The following VGLL4 variants were observed in gnomAD, a reference collection of about 807,000 sequenced individuals.
VGLL4 encodes the protein vestigial like family member 4.
Under a neutral mutation model 21.0 loss-of-function variants are expected in VGLL4, and 7 were observed. The ratio of observed to expected loss-of-function variants is 0.33; its 90% CI spans 0.19 to 0.63. The LOEUF (loss-of-function observed/expected upper bound fraction) is 0.63. Ranked by LOEUF, VGLL4 falls within the 20% of genes least tolerant of loss-of-function variation. VGLL4 has a pLI of 0.78. For synonymous variants in VGLL4, 222 were observed against 173.2 expected (o/e 1.28, Z -2.21); for missense variants, 394 against 425.7 (o/e 0.93, Z 0.66).
At position 11,713,221 on chromosome 3, in the gene VGLL4, G is replaced by T. The variant is rs138877978; in HGVS notation, c.-14+7173C>A. 6.3e-3 allele frequency among the ~76,000 whole-genome samples: 966 copies of T among 152,286 alleles called. 13 individuals are homozygous for T. Among genetic ancestry groups the T allele is most frequent in the African/African-American group, 0.022 (933 of 41,552 alleles). ...AAAATTTCACCTTGGTGCTCGAACT[G>T]CTCACAACCTTAAATTGTATGTTAC... On this transcript the variant is annotated intron_variant, in intron 1 of 5. Transcript: ENST00000273038.
In VGLL4 at chr3:11,715,155, T is replaced by C. The variant is rs1412967111; in HGVS notation, c.-14+5239A>G. On this transcript the variant is annotated intron_variant, in intron 1 of 5. Transcript: ENST00000273038. ...GTCTCAAAAAAAAAAAAAAAAAAGA[T>C]GAATTTGCATCACAGCCCAAGTTAG... Among the ~76,000 whole-genome samples the C allele has an allele frequency of 2.0e-5, 3 of 147,022 alleles. No individual in the cohort carries two copies. The East Asian group carries it at 6.0e-4, about 29-fold the overall frequency.
chr3:11,572,102 T>C (rs1275822133), intron 2 of VGLL4, among the ~76,000 whole-genome samples: 2 of 152,038 alleles, frequency 1.3e-5, no homozygotes, highest in African/African-American at 4.8e-5. Context: ...AGTGAGACCC[T>C]GTCTCAAAAA....
chr3:11,569,011 T>G, intron 2 of VGLL4: 1 of 958,012 alleles, frequency 1.0e-6, no homozygotes, highest in Non-Finnish European at 1.3e-6. Context: ...GGACAGAGCT[T>G]TCTGAGTACT....
chr3:11,574,310 C>T (rs144877480), intron 2 of VGLL4, among the ~76,000 whole-genome samples: 1 of 152,310 alleles, frequency 6.6e-6, no homozygotes, highest in Non-Finnish European at 1.5e-5. Flanking sequence ...AAAGCTTCCT[C>T]TGGACATTTA....
intron 2 of VGLL4, among the ~76,000 whole-genome samples, chr3:11,570,578 A>C (rs2073736542): frequency 6.6e-6 from 1 of 152,232 alleles, no homozygotes; most frequent in Admixed American, 6.5e-5. Flanking sequence ...TAGAGTAAAT[A>C]AATCATTAAG....
intron 1 of VGLL4, among the ~76,000 whole-genome samples, chr3:11,631,856 T>G (rs1166556252): frequency 6.6e-6 from 1 of 152,028 alleles, no homozygotes; most frequent in East Asian, 1.9e-4. Context: ...AAGCCCCAGG[T>G]TTGCATTTTA....
At chr3:11,630,519 G>A (rs1295691524) in intron 1 of VGLL4, among the ~76,000 whole-genome samples, 6 of 152,088 alleles carry the variant, frequency 3.9e-5, no homozygotes, top group South Asian at 2.1e-4. Context: ...GGTGGCGGGC[G>A]CCTGTAATCC....
chr3:11,696,187 A>G (rs1244420974), intron 2 of VGLL4, among the ~76,000 whole-genome samples: 1 of 152,204 alleles, frequency 6.6e-6, no homozygotes, highest in Non-Finnish European at 1.5e-5. Flanking sequence ...TCCAAGGGGA[A>G]TGGGCAGGAA....
At chr3:11,680,417 A>G (rs993806745) in intron 2 of VGLL4, among the ~76,000 whole-genome samples, 1 of 152,224 alleles carries the variant, frequency 6.6e-6, no homozygotes, top group Admixed American at 6.5e-5. Flanking sequence ...AAAATTTTAA[A>G]TAAGTACTAC....
In VGLL4 at chr3:11,617,063, TAAAA is replaced by T. The variant is rs575071363; in HGVS notation, c.83-15045_83-15042del. Reference sequence around the variant, plus strand: ...ATATTAATTAATTTGAAATAAAAAATAAAAAGAGATGCACTTTTTATTTTTTTAA... The same window carrying T: ...ATATTAATTAATTTGAAATAAAAAATAGAGATGCACTTTTTATTTTTTTAA... On this transcript the variant is annotated intron_variant, in intron 1 of 4. Transcript: ENST00000430365. 6.4e-4 allele frequency among the ~76,000 whole-genome samples: 95 copies of T among 149,492 alleles called. 1 individual carries two copies. The South Asian group carries it at 0.019, about 29-fold the overall frequency.
At chr3:11,629,229 G>A (rs114301645) in intron 1 of VGLL4, among the ~76,000 whole-genome samples, 2,586 of 152,042 alleles carry the variant, frequency 0.017, 49 homozygotes, top group East Asian at 0.066. Context: ...TTGTTTCTGG[G>A]GTGTAGCCAA....
intron 1 of VGLL4, among the ~76,000 whole-genome samples, chr3:11,606,427 A>G (rs2074942022): frequency 6.6e-6 from 1 of 152,238 alleles, no homozygotes. Context: ...AGACAATACA[A>G]AAGTGTTAGC....
rs1270602442 is a variant in VGLL4, at chr3:11,653,779, C to T, written c.64+49192G>A. ...TCAAGTTGCTCCCCATCCTTGCCAA[C>T]AGTTTTCCAACTCTTTCATTCCTGT... On this transcript the variant is annotated intron_variant, in intron 2 of 5. Coordinates refer to the VGLL4 transcript ENST00000273038. This position sits in a 1 kb window ranked among gnomAD's most constrained non-coding sequence, Gnocchi z 4.2. Among the ~76,000 whole-genome samples, 5 of 152,204 alleles carry T rather than the reference C, an allele frequency of 3.3e-5. No individual in the cohort carries two copies. Among genetic ancestry groups the T allele is most frequent in the Non-Finnish European group, 2.9e-5 (2 of 68,038 alleles).
chr3:11,666,368 G>C (rs77673744), intron 2 of VGLL4, among the ~76,000 whole-genome samples: 7 of 152,120 alleles, frequency 4.6e-5, no homozygotes, highest in Non-Finnish European at 1.0e-4. Context: ...TCTTATCTCT[G>C]CATGAGATGG....
At chr3:11,710,438 G>A (rs2076825552) in intron 1 of VGLL4, 1 of 152,140 alleles carries the variant, frequency 6.6e-6, no homozygotes. Flanking sequence ...TATACTTTAG[G>A]TAAGAGTACG....
rs1429246690 is a variant in VGLL4 at position 11,719,665 on chromosome 3, C to T, written c.-14+729G>A. 1 of 152,342 alleles carries T rather than the reference C, an allele frequency of 6.6e-6. No individual in the cohort carries two copies. The highest frequency in any genetic ancestry group is 6.5e-5 in the Admixed American group (1 of 15,286). 9.4% of individuals were successfully genotyped at this position (152,342 alleles called of 1,614,324 possible). ...GAATGAGGCACCGGCCAACCTGAGC[C>T]GGGCTCCGCCAGGCCAGCCAGGCCA... On this transcript the variant is annotated intron_variant, in intron 1 of 5. Transcript: ENST00000273038. This position sits in a 1 kb window ranked among gnomAD's most constrained non-coding sequence, Gnocchi z 4.0.
chr3:11,702,920 C>T (rs2076703483), intron 2 of VGLL4: 10 of 1,538,422 alleles, frequency 6.5e-6, no homozygotes, highest in Non-Finnish European at 8.8e-6. Flanking sequence ...GAGCAGAAGA[C>T]AAGGGATCAT....
rs926830567 is a variant in VGLL4, at chr3:11,628,037, A to C, written c.82+15400T>G. Among the ~76,000 whole-genome samples the C allele has an allele frequency of 2.6e-5, 4 of 152,202 alleles. No individual in the cohort carries two copies. The East Asian group carries it at 7.7e-4, about 29-fold the overall frequency. On this transcript the variant is annotated intron_variant, in intron 1 of 4. Transcript: ENST00000430365. ...AGGCCCTCACAACAAATAAATGATA[A>C]GGTAATGAATACAAGAACTACACTG... is the stretch of plus-strand genomic sequence containing the variant.
chr3:11,702,107 A>C (rs2076688697), intron 2 of VGLL4, among the ~76,000 whole-genome samples: 1 of 152,056 alleles, frequency 6.6e-6, no homozygotes, highest in Admixed American at 6.5e-5. Flanking sequence ...TATGACACAT[A>C]CTGTACATTT....
Sources: allele counts gnomAD v4.1 joint callset (sites outside exome capture counted in the v4.1 genomes callset), GRCh38; gene constraint gnomAD v4.1.1; non-coding constraint Gnocchi (gnomAD v3.1); transcripts MANE v1.5; gene names NCBI Gene and HGNC (gene_info 2026-07-23, HGNC 2026-07-21).